Variants in GABBR2 observed in about 807,000 individuals in gnomAD.
The protein encoded by GABBR2 is G-protein coupled receptor 51.
In GABBR2, 23 loss-of-function variants were observed where a neutral mutation model predicts 105.6. That is an observed-to-expected ratio of 0.22 (90% CI 0.16 to 0.31). GABBR2 has a LOEUF of 0.31. Among genes scored for constraint, GABBR2 ranks in the 10% least tolerant of loss-of-function variants. The pLI, the probability that GABBR2 is intolerant of heterozygous loss-of-function variation, is 1.00. For synonymous variants in GABBR2, 478 were observed against 499.7 expected (o/e 0.96, Z 0.58); for missense variants, 734 against 1,245.5 (o/e 0.59, Z 6.18).
intron 1 of GABBR2, among the ~76,000 whole-genome samples, chr9:98,586,780 A>G (rs1395971259): frequency 2.0e-5 from 3 of 152,198 alleles, no homozygotes; most frequent in Non-Finnish European, 4.4e-5. Flanking sequence ...GCTGTGGTTC[A>G]TTCATTTTCA....
intron 12 of GABBR2, among the ~76,000 whole-genome samples, chr9:98,363,569 C>T (rs1831625147): frequency 6.6e-6 from 1 of 152,162 alleles, no homozygotes; most frequent in Non-Finnish European, 1.5e-5. Context: ...CAATCAGAAG[C>T]TATATAAAGT....
chr9:98,652,516 C>A (rs1384246824), intron 1 of GABBR2, among the ~76,000 whole-genome samples: 1 of 152,182 alleles, frequency 6.6e-6, no homozygotes, highest in Non-Finnish European at 1.5e-5. Context: ...TCTGTCCTCT[C>A]TCACCTCTCT....
chr9:98,379,291 C>T (rs370132225), intron 11 of GABBR2, among the ~76,000 whole-genome samples: 5 of 152,230 alleles, frequency 3.3e-5, no homozygotes, highest in African/African-American at 1.2e-4. Context: ...TTTTTTGAGA[C>T]AGGGTCTCCC....
intron 16 of GABBR2, chr9:98,303,036 A>T (rs1461710401): frequency 1.4e-4 from 70 of 493,772 alleles, no homozygotes; most frequent in Non-Finnish European, 3.6e-6. Context: ...AGCCTGGGTG[A>T]GGTGGGCAAT....
chr9:98,464,270 C>A (rs920411297), intron 6 of GABBR2, among the ~76,000 whole-genome samples: 3 of 151,026 alleles, frequency 2.0e-5, no homozygotes, highest in Non-Finnish European at 4.4e-5. Context: ...GTGAGGAGCG[C>A]CTCTTCCCGG....
chr9:98,300,171 T>C (rs7849965), intron 16 of GABBR2, among the ~76,000 whole-genome samples: 12,410 of 151,250 alleles, frequency 0.082, 1,757 homozygotes, highest in African/African-American at 0.29. Flanking sequence ...GCCTTATAAT[T>C]ACTATTACTG....
chr9:98,449,214 GGTCTTTACTCCCCTAAGCGAAACC>G lies in GABBR2; in HGVS notation c.1236+4743_1236+4766del, dbSNP rs916534549. Among the ~76,000 whole-genome samples the G allele has an allele frequency of 5.2e-4, 79 of 152,270 alleles. 1 individual carries two copies. The highest frequency in any genetic ancestry group is 1.7e-3 in the African/African-American group (69 of 41,552). On this transcript the variant is annotated intron_variant, in intron 7 of 18. Transcript: ENST00000259455. ...ATCCAGCAAGTTAGGATGGCTCCTT[GGTCTTTACTCCCCTAAGCGAAACC>G]GTCTTTCCTCCAGAGGCCTTGGGCA... is the stretch of plus-strand genomic sequence containing the variant.
At chr9:98,692,727 G>T (rs974623756) in intron 1 of GABBR2, among the ~76,000 whole-genome samples, 4 of 152,196 alleles carry the variant, frequency 2.6e-5, no homozygotes, top group African/African-American at 9.6e-5. Context: ...GTTTCTCCAG[G>T]TATGAATGGG....
chr9:98,412,368 C>T (rs1832606406), intron 7 of GABBR2, among the ~76,000 whole-genome samples: 1 of 152,228 alleles, frequency 6.6e-6, no homozygotes, highest in Non-Finnish European at 1.5e-5. Flanking sequence ...CTAGACTGCA[C>T]TCTTATCTCC....
intron 1 of GABBR2, among the ~76,000 whole-genome samples, chr9:98,589,788 C>T (rs763054753): frequency 4.7e-5 from 7 of 150,344 alleles, no homozygotes; most frequent in Non-Finnish European, 7.4e-5. Flanking sequence ...CATCATGGCT[C>T]ACAGCAGCCT....
intron 1 of GABBR2, among the ~76,000 whole-genome samples, chr9:98,671,382 G>A (rs1408605602): frequency 6.6e-6 from 1 of 152,106 alleles, no homozygotes; most frequent in Non-Finnish European, 1.5e-5. Context: ...ACCACATTTT[G>A]TTTGTCCATT....
At chr9:98,342,870 C>T (rs976247791) in intron 13 of GABBR2, among the ~76,000 whole-genome samples, 4 of 152,318 alleles carry the variant, frequency 2.6e-5, no homozygotes, top group Admixed American at 6.5e-5. Context: ...AAATGAGTAG[C>T]GTGAAGTCAG....
chr9:98,663,033 T>A (rs764330081), intron 1 of GABBR2, among the ~76,000 whole-genome samples: 4 of 152,148 alleles, frequency 2.6e-5, no homozygotes, highest in African/African-American at 4.8e-5. Flanking sequence ...TTGATCATGA[T>A]GAGAGGACCC....
intron 1 of GABBR2, among the ~76,000 whole-genome samples, chr9:98,586,783 C>G (rs1304009372): frequency 3.3e-5 from 5 of 152,230 alleles, no homozygotes; most frequent in Admixed American, 6.5e-5. Flanking sequence ...GTGGTTCATT[C>G]ATTTTCATAG....
At chr9:98,560,203 G>GA (rs914850019) in intron 2 of GABBR2, among the ~76,000 whole-genome samples, 1 of 151,548 alleles carries the variant, frequency 6.6e-6, no homozygotes, top group African/African-American at 2.4e-5. Flanking sequence ...TCAACAAGGA[G>GA]AAAAAAAATC....
intron 1 of GABBR2, among the ~76,000 whole-genome samples, chr9:98,683,035 C>G (rs1372178961): frequency 1.3e-5 from 2 of 152,148 alleles, no homozygotes; most frequent in African/African-American, 2.4e-5. Flanking sequence ...GGGGCTTCAT[C>G]CCCTCTATGC....
intron 6 of GABBR2, among the ~76,000 whole-genome samples, chr9:98,472,153 A>G (rs1264158093): frequency 1.3e-5 from 2 of 152,202 alleles, no homozygotes; most frequent in Non-Finnish European, 2.9e-5. Flanking sequence ...GGGTTGAGTG[A>G]ATAATTTAAC....
chr9:98,461,984 A>G (rs1314715335), intron 6 of GABBR2, among the ~76,000 whole-genome samples: 1 of 152,196 alleles, frequency 6.6e-6, no homozygotes, highest in African/African-American at 2.4e-5. Flanking sequence ...CACTCCCATG[A>G]TCCCATCACT....
chr9:98,613,871 C>T (rs118025650), intron 1 of GABBR2, among the ~76,000 whole-genome samples: 4,520 of 152,178 alleles, frequency 0.03, 71 homozygotes, highest in African/African-American at 0.04. Flanking sequence ...AAAACAGTGG[C>T]GAGCAAAAGC....
Sources: gnomAD v4.1 joint callset for allele counts (sites outside exome capture counted in the v4.1 genomes callset) on GRCh38, gnomAD v4.1.1 for gene constraint, MANE v1.5 for transcripts, NCBI Gene and HGNC (gene_info 2026-07-23, HGNC 2026-07-21) for gene names.